The following PIK3CA variants were observed in gnomAD, a reference collection of about 807,000 sequenced individuals.
PIK3CA encodes phosphatidylinositol 4,5-bisphosphate 3-kinase catalytic subunit alpha isoform.
A neutral mutation model predicts 138.2 loss-of-function variants in PIK3CA; 27 were observed. The observed-to-expected ratio is 0.20, with a 90% confidence interval of 0.14 to 0.27. The LOEUF (loss-of-function observed/expected upper bound fraction) is 0.27, where lower values mean the gene tolerates loss of function less well. Ranked by LOEUF, PIK3CA falls within the 10% of genes least tolerant of loss-of-function variation. The probability of loss-of-function intolerance (pLI) is 1.00; values close to 1 mark genes in which losing one functional copy is unlikely to be tolerated. For synonymous variants in PIK3CA, 358 were observed against 413.2 expected, an observed-to-expected ratio of 0.87 and a Z score of 1.62; for missense variants, 544 against 1,277.4, an observed-to-expected ratio of 0.43 and a Z score of 8.75.
intron 1 of PIK3CA, among the ~76,000 whole-genome samples, chr3:179,167,183 A>T (rs1480894176): frequency 6.6e-6 from 1 of 152,158 alleles, no homozygotes; most frequent in Non-Finnish European, 1.5e-5. Flanking sequence ...TGAAATATAC[A>T]CATACCTTAG....
chr3:179,208,282 GTTGA>G (rs1457218574), intron 6 of PIK3CA, among the ~76,000 whole-genome samples: 2 of 152,094 alleles, frequency 1.3e-5, no homozygotes, highest in Non-Finnish European at 2.9e-5. Flanking sequence ...CTATTTTATT[GTTGA>G]TTAAGAATTA....
At chr3:179,233,625 G>C (rs1295736004) in intron 20 of PIK3CA, among the ~76,000 whole-genome samples, 2 of 151,880 alleles carry the variant, frequency 1.3e-5, no homozygotes, top group Non-Finnish European at 2.9e-5. Context: ...GACATTTTTT[G>C]GTCATACACT....
At chr3:179,207,203 T>C (rs1370646260) in intron 6 of PIK3CA, among the ~76,000 whole-genome samples, 1 of 152,206 alleles carries the variant, frequency 6.6e-6, no homozygotes, top group East Asian at 1.9e-4. Flanking sequence ...TGTGCTTCTT[T>C]TATGCTAAAT....
chr3:179,150,804 T>C (rs921060583), intron 1 of PIK3CA, among the ~76,000 whole-genome samples: 15 of 152,228 alleles, frequency 9.9e-5, no homozygotes, highest in African/African-American at 3.6e-4. Flanking sequence ...GTAATAACTT[T>C]TTCTCTAAAC....
intron 1 of PIK3CA, among the ~76,000 whole-genome samples, chr3:179,152,661 A>G (rs1014974085): frequency 2.0e-5 from 3 of 152,192 alleles, no homozygotes; most frequent in South Asian, 2.1e-4. Flanking sequence ...CTCCTTAGGA[A>G]GTGTTAGATC....
intron 6 of PIK3CA, among the ~76,000 whole-genome samples, chr3:179,208,434 T>C (rs533229232): frequency 6.6e-6 from 1 of 152,340 alleles, no homozygotes; most frequent in Admixed American, 6.5e-5. Context: ...TTTAATTTTA[T>C]GAGATAGTTA....
intron 1 of PIK3CA, among the ~76,000 whole-genome samples, chr3:179,193,149 C>T (rs1724179062): frequency 6.6e-6 from 1 of 152,156 alleles, no homozygotes; most frequent in African/African-American, 2.4e-5. Context: ...CAGGTTCAGG[C>T]CTTCTGAGAA....
intron 1 of PIK3CA, among the ~76,000 whole-genome samples, chr3:179,167,382 T>C (rs1407233057): frequency 6.6e-6 from 1 of 152,110 alleles, no homozygotes; most frequent in Non-Finnish European, 1.5e-5. Flanking sequence ...TTACTATCTT[T>C]CTACTTTTAA....
chr3:179,182,300 A>G (rs1229552078), intron 1 of PIK3CA, among the ~76,000 whole-genome samples: 2 of 152,294 alleles, frequency 1.3e-5, no homozygotes, highest in South Asian at 2.1e-4. Flanking sequence ...GTATTAAATC[A>G]TTGTAAGTAA....
chr3:179,155,436 G>A (rs1723110468), intron 1 of PIK3CA, among the ~76,000 whole-genome samples: 1 of 152,094 alleles, frequency 6.6e-6, no homozygotes, highest in Non-Finnish European at 1.5e-5. Context: ...TTGGCCCTTT[G>A]TATTCGTGGG....
chr3:179,226,303 G>C (rs1356160837), intron 17 of PIK3CA, among the ~76,000 whole-genome samples: 1 of 152,050 alleles, frequency 6.6e-6, no homozygotes, highest in African/African-American at 2.4e-5. Flanking sequence ...CAAGACAAAG[G>C]AGACACAAAA....
At chr3:179,150,373 TAAC>T (rs1039114108) in intron 1 of PIK3CA, among the ~76,000 whole-genome samples, 24 of 152,074 alleles carry the variant, frequency 1.6e-4, no homozygotes, top group African/African-American at 2.7e-4. Context: ...ATGGGGGAAA[TAAC>T]AAGAAAGTAA....
chr3:179,196,387 T>C (rs1724265928), intron 1 of PIK3CA, among the ~76,000 whole-genome samples: 1 of 152,232 alleles, frequency 6.6e-6, no homozygotes, highest in Admixed American at 6.5e-5. Flanking sequence ...TCAGATTTTT[T>C]GTAGGCTTAA....
intron 17 of PIK3CA, 148 bp downstream of exon 17, chr3:179,226,188 T>C (rs1725077186): frequency 5.6e-6 from 2 of 357,186 alleles, no homozygotes; most frequent in Admixed American, 1.3e-4. Context: ...TACTTTGACA[T>C]ATCCTCCTCT....
rs200762923 is a variant in PIK3CA, at chr3:179,199,813, C to T, written c.476C>T (p.Pro159Leu). Residue 159 changes from proline (P) to leucine (L), a missense_variant, in exon 3 of 21, where the codon CCT (proline) becomes CTT (leucine). Coordinates refer to ENST00000263967, the MANE Select transcript of PIK3CA (RefSeq NM_006218.4). ...EAVDLRDLNSPHSRAMYVYPP... is the reference protein window; with the variant it reads ...EAVDLRDLNSLHSRAMYVYPP... ...GTGGATCTTAGGGACCTCAATTCAC[C>T]TCATAGTAGAGCAATGTATGTCTAT... is the stretch of plus-strand genomic sequence containing the variant. The T allele has an allele frequency of 1.1e-5, 18 of 1,612,452 alleles. No homozygotes were observed. Among genetic ancestry groups the T allele is most frequent in the Non-Finnish European group, 1.5e-5 (18 of 1,178,658 alleles).
At chr3:179,211,418 C>T (rs1251959320) in intron 9 of PIK3CA, among the ~76,000 whole-genome samples, 2 of 152,134 alleles carry the variant, frequency 1.3e-5, no homozygotes, top group Non-Finnish European at 2.9e-5. Flanking sequence ...TGCCTGTAAT[C>T]CCAGCACTTT....
chr3:179,225,335 G>C (rs2699890), intron 16 of PIK3CA, among the ~76,000 whole-genome samples: 1 of 151,690 alleles, frequency 6.6e-6, no homozygotes, highest in South Asian at 2.1e-4. Context: ...TGCAAAGGAA[G>C]AGTGTAGTCT....
intron 1 of PIK3CA, among the ~76,000 whole-genome samples, chr3:179,182,065 T>G (rs575964061): frequency 6.6e-6 from 1 of 152,318 alleles, no homozygotes; most frequent in African/African-American, 2.4e-5. Flanking sequence ...AATTACCTCT[T>G]TACTCCCTAG....
chr3:179,185,215 A>C (rs1466172972), intron 1 of PIK3CA, among the ~76,000 whole-genome samples: 1 of 152,224 alleles, frequency 6.6e-6, no homozygotes, highest in Non-Finnish European at 1.5e-5. Context: ...CATTTGATAA[A>C]CTTCAGGGGG....
Sources: allele counts gnomAD v4.1 joint callset (sites outside exome capture counted in the v4.1 genomes callset), GRCh38; gene constraint gnomAD v4.1.1; transcripts MANE v1.5; gene names NCBI Gene and HGNC (gene_info 2026-07-23, HGNC 2026-07-21).